The following CACNA1B variants were observed in gnomAD, a reference collection of about 807,000 sequenced individuals.
CACNA1B encodes the protein voltage-dependent N-type calcium channel subunit alpha-1B.
Under a neutral mutation model 247.2 loss-of-function variants are expected in CACNA1B, and 70 were observed. The ratio of observed to expected loss-of-function variants is 0.28; its 90% CI spans 0.23 to 0.35. CACNA1B has a LOEUF of 0.35. CACNA1B is among the 10% of genes least tolerant of loss of function. The probability of loss-of-function intolerance (pLI) is 1.00; values close to 1 mark genes in which losing one functional copy is unlikely to be tolerated. For missense variants in CACNA1B, 2,367 were observed against 3,197.4 expected (o/e 0.74, Z 6.26); for synonymous variants, 1,231 against 1,294.4 (o/e 0.95, Z 1.05).
rs1958035758 is a variant in CACNA1B at position 137,962,911 on chromosome 9, G to A, written c.1333+5224G>A. On this transcript the variant is annotated intron_variant, in intron 10 of 46. Transcript: ENST00000371372. ...ATCTATCAGGTCCACTTGATCCAGA[G>A]GTGAGTTCAACTCCTGAATGTCTTT... is the stretch of plus-strand genomic sequence containing the variant. Among the ~76,000 whole-genome samples the A allele has an allele frequency of 3.9e-5, 6 of 152,124 alleles. No homozygotes were observed. The South Asian group carries it at 1.0e-3, about 26-fold the overall frequency.
Position 138,007,161 on chromosome 9 carries a change from C to T in CACNA1B, c.2092+277C>T, listed in dbSNP as rs560274674. Among the ~76,000 whole-genome samples the T allele has an allele frequency of 1.3e-5, 2 of 152,318 alleles. No homozygotes were observed. The highest frequency in any genetic ancestry group is 4.1e-4 in the South Asian group (2 of 4,822). On this transcript the variant is annotated intron_variant, in intron 16 of 46. Coordinates refer to ENST00000371372, the MANE Select transcript of CACNA1B (RefSeq NM_000718.4). This position sits in a 1 kb window ranked among gnomAD's most constrained non-coding sequence, Gnocchi z 4.1. ...CAGCAGGCCCAGGACAGACTCTGAG[C>T]AGCAGTCGGGGAGCCTCACACTCTG...
rs1264098053 is a variant in CACNA1B, at chr9:137,986,318, T to C, written c.1770-95T>C. On this transcript the variant is annotated intron_variant, in intron 13 of 46. Transcript: ENST00000371372. The surrounding 1 kb of genome is among the most constrained non-coding windows in gnomAD (Gnocchi z 6.0). ...ACCTAGGTGTGCAGCCCTCAGGGTT[T>C]AGAAAGTCAGTGGAGCCTTAAGTGT... is the stretch of plus-strand genomic sequence containing the variant. 1 of 1,402,266 alleles carries C rather than the reference T, an allele frequency of 7.1e-7. No individual in the cohort carries two copies. The highest frequency in any genetic ancestry group is 1.4e-5 in the African/African-American group (1 of 70,540). 86.9% of individuals were successfully genotyped at this position (1,402,266 alleles called of 1,614,324 possible).
intron 41 of CACNA1B, among the ~76,000 whole-genome samples, chr9:138,114,967 T>C (rs576710178): frequency 5.9e-5 from 9 of 152,308 alleles, no homozygotes; most frequent in African/African-American, 2.2e-4. Flanking sequence ...CACACAGCCG[T>C]GTCTTCGGTG....
intron 31 of CACNA1B, among the ~76,000 whole-genome samples, chr9:138,068,925 C>T: frequency 6.6e-6 from 1 of 152,234 alleles, no homozygotes; most frequent in Non-Finnish European, 1.5e-5. Context: ...CACACTCCGT[C>T]CCTCAGCTGC....
At chr9:137,910,161 C>T (rs1023415913) in intron 3 of CACNA1B, among the ~76,000 whole-genome samples, 3 of 152,290 alleles carry the variant, frequency 2.0e-5, no homozygotes, top group East Asian at 1.9e-4. Context: ...AGCATCTTTT[C>T]GTGCACCTAT....
chr9:138,015,761 G>A (rs1185807879), intron 18 of CACNA1B, among the ~76,000 whole-genome samples: 1 of 152,228 alleles, frequency 6.6e-6, no homozygotes, highest in Non-Finnish European at 1.5e-5. Flanking sequence ...GCAGTGCTGT[G>A]CGTATCCTGG....
rs1957917066 is a variant in CACNA1B at position 137,954,215 on chromosome 9, C to A, written c.1071-1483C>A. Among the ~76,000 whole-genome samples the A allele has an allele frequency of 6.6e-6, 1 of 152,218 alleles. No individual in the cohort carries two copies. Among genetic ancestry groups the A allele is most frequent in the East Asian group, 1.9e-4 (1 of 5,190 alleles). On this transcript the variant is annotated intron_variant, in intron 7 of 46. Coordinates refer to ENST00000371372, the MANE Select transcript of CACNA1B (RefSeq NM_000718.4). The surrounding 1 kb of genome is among the most constrained non-coding windows in gnomAD (Gnocchi z 4.1). ...GCTGGCACCCCCCATGTGGGTCCTGCACCCCGGGGTGGCAGTGGTGAGAGG... is the reference window on the plus strand; with the variant it reads ...GCTGGCACCCCCCATGTGGGTCCTGAACCCCGGGGTGGCAGTGGTGAGAGG...
intron 3 of CACNA1B, among the ~76,000 whole-genome samples, chr9:137,898,248 T>G (rs1261957648): frequency 6.6e-6 from 1 of 152,238 alleles, no homozygotes; most frequent in Non-Finnish European, 1.5e-5. Flanking sequence ...CAATAATTTT[T>G]GTTTTTAGTT....
chr9:137,923,873 C>A (rs149083881), intron 6 of CACNA1B, among the ~76,000 whole-genome samples: 1 of 152,162 alleles, frequency 6.6e-6, no homozygotes, highest in Non-Finnish European at 1.5e-5. Flanking sequence ...GGTTTTAATT[C>A]GCATGTCCTA....
chr9:137,889,715 T>G (rs1957070490), intron 3 of CACNA1B, among the ~76,000 whole-genome samples: 1 of 148,952 alleles, frequency 6.7e-6, no homozygotes, highest in African/African-American at 2.4e-5. Context: ...TCCATGTCCG[T>G]GGGGACAGGC....
intron 42 of CACNA1B, among the ~76,000 whole-genome samples, chr9:138,116,436 CT>C (rs1207394765): frequency 2.0e-5 from 3 of 152,208 alleles, no homozygotes; most frequent in Non-Finnish European, 4.4e-5. Flanking sequence ...GACCCAGATC[CT>C]GGGGGCTGAC....
chr9:137,902,144 T>A (rs1302638560), intron 3 of CACNA1B, among the ~76,000 whole-genome samples: 1 of 152,242 alleles, frequency 6.6e-6, no homozygotes, highest in East Asian at 1.9e-4. Flanking sequence ...TGTTCACACA[T>A]TACTAAATGG....
chr9:138,006,923 C>T (rs764270631), intron 16 of CACNA1B, 39 bp downstream of exon 16: 5 of 1,067,862 alleles, frequency 4.7e-6, no homozygotes, highest in Admixed American at 1.9e-5. Context: ...GTGGTCAGTG[C>T]TTGGCCCTCC....
intron 15 of CACNA1B, among the ~76,000 whole-genome samples, chr9:137,991,128 T>C (rs1376992682): frequency 6.6e-6 from 1 of 152,210 alleles, no homozygotes; most frequent in Non-Finnish European, 1.5e-5. Flanking sequence ...GAAGGTCAAT[T>C]ATTAAGCTAA....
At chr9:137,970,640 A>G (rs1241982122) in intron 10 of CACNA1B, among the ~76,000 whole-genome samples, 2 of 152,170 alleles carry the variant, frequency 1.3e-5, no homozygotes, top group Admixed American at 1.3e-4. Flanking sequence ...TGCTCTGTGC[A>G]GGTGACGTTA....
chr9:137,884,904 G>A lies in CACNA1B; in HGVS notation c.530+2021G>A, dbSNP rs1354589317. Among the ~76,000 whole-genome samples the A allele has an allele frequency of 4.6e-4, 38 of 82,892 alleles. 1 individual carries two copies. Among genetic ancestry groups the A allele is most frequent in the African/African-American group, 1.0e-4 (2 of 19,952 alleles). The allele number at this position is 82,892 out of a possible 152,430, so 54.4% of individuals were successfully genotyped here. A position where few individuals can be genotyped will look rare whatever the true frequency, so the allele number is the denominator to read the frequency against. Reference sequence around the variant, plus strand: ...TCTTCCCCCTCCCCCTCCTCTTCCCGCCTCCCTCTTCTGTTTCTCTTCATC... The same window carrying A: ...TCTTCCCCCTCCCCCTCCTCTTCCCACCTCCCTCTTCTGTTTCTCTTCATC... On this transcript the variant is annotated intron_variant, in intron 3 of 46. Transcript: ENST00000371372.
intron 6 of CACNA1B, among the ~76,000 whole-genome samples, chr9:137,947,564 A>C (rs1388711308): frequency 2.6e-5 from 4 of 152,038 alleles, no homozygotes; most frequent in African/African-American, 9.7e-5. Context: ...ATAGTGATTC[A>C]ATTTTTACTC....
rs530500451 is a variant in CACNA1B, at chr9:138,075,326, A to G, written c.4858-493A>G. Among the ~76,000 whole-genome samples, 12 of 152,374 alleles carry G rather than the reference A, an allele frequency of 7.9e-5. No homozygotes were observed. In the East Asian group the frequency reaches 1.7e-3, roughly 22 times the overall value. On this transcript the variant is annotated intron_variant, in intron 34 of 46. Transcript: ENST00000371372. ...TGTCATAGTTCATAAATTTGCAGCC[A>G]GATTCCAGATTTTGGGCTGAGTACA...
At chr9:137,966,426 A>G (rs1589037746) in intron 10 of CACNA1B, among the ~76,000 whole-genome samples, 2 of 151,250 alleles carry the variant, frequency 1.3e-5, no homozygotes, top group African/African-American at 2.4e-5. Context: ...ACTGGGTTTC[A>G]CCGTGTTAGC....
Sources: allele counts gnomAD v4.1 joint callset (sites outside exome capture counted in the v4.1 genomes callset), GRCh38; gene constraint gnomAD v4.1.1; non-coding constraint Gnocchi (gnomAD v3.1); transcripts MANE v1.5; gene names NCBI Gene and HGNC (gene_info 2026-07-23, HGNC 2026-07-21).